Variants in SCN1A observed in about 807,000 individuals in gnomAD.
SCN1A encodes sodium channel protein type 1 subunit alpha.
SCN1A carries 13 observed loss-of-function variants against 193.7 expected under a neutral mutation model. The ratio of observed to expected loss-of-function variants is 0.07; its 90% CI spans 0.04 to 0.11. The LOEUF is 0.11. Ranked by LOEUF, SCN1A falls within the 10% of genes least tolerant of loss-of-function variation. The pLI, the probability that SCN1A is intolerant of heterozygous loss-of-function variation, is 1.00. For synonymous variants in SCN1A, 781 were observed against 843.6 expected, an observed-to-expected ratio of 0.93 and a Z score of 1.29; for missense variants, 1,432 against 2,451.1, an observed-to-expected ratio of 0.58 and a Z score of 8.78.
intron 2 of SCN1A, among the ~76,000 whole-genome samples, chr2:166,095,744 T>A (rs1159692169): frequency 6.6e-6 from 1 of 152,176 alleles, no homozygotes; most frequent in African/African-American, 2.4e-5. Flanking sequence ...TTCCTAAAGG[T>A]TTCAAGGTTA....
intron 4 of SCN1A, among the ~76,000 whole-genome samples, chr2:166,058,964 ATAT>A (rs1682992692): frequency 1.3e-5 from 2 of 152,110 alleles, no homozygotes; most frequent in African/African-American, 4.8e-5. Flanking sequence ...TATTTTCTCG[ATAT>A]TTTAAGTGTC....
chr2:166,084,937 C>G (rs541869989), intron 2 of SCN1A, among the ~76,000 whole-genome samples: 1 of 152,114 alleles, frequency 6.6e-6, no homozygotes, highest in African/African-American at 2.4e-5. Context: ...GTGGATGAAG[C>G]CCTTTGTTTG....
chr2:166,117,718 C>T (rs185351807), intron 2 of SCN1A, among the ~76,000 whole-genome samples: 4 of 152,152 alleles, frequency 2.6e-5, no homozygotes, highest in East Asian at 3.9e-4. Context: ...ATTTTTTGGC[C>T]GGGCACGGAG....
At chr2:166,019,458 TA>T (rs1559159551) in intron 19 of SCN1A, among the ~76,000 whole-genome samples, 1 of 152,184 alleles carries the variant, frequency 6.6e-6, no homozygotes, top group Non-Finnish European at 1.5e-5. Context: ...TAAACAATCT[TA>T]AACATACTTC....
intron 2 of SCN1A, among the ~76,000 whole-genome samples, chr2:166,103,183 G>A (rs1237830266): frequency 6.6e-6 from 1 of 152,180 alleles, no homozygotes; most frequent in Non-Finnish European, 1.5e-5. Flanking sequence ...GGGCGCGGTG[G>A]CTCACGCCTG....
At chr2:166,066,403 A>C (rs1253532645) in intron 4 of SCN1A, among the ~76,000 whole-genome samples, 1 of 152,130 alleles carries the variant, frequency 6.6e-6, no homozygotes, top group East Asian at 1.9e-4. Flanking sequence ...CAATTTCTCC[A>C]TCTCAATGGA....
At position 166,050,176 on chromosome 2, in the gene SCN1A, A is replaced by G. The variant is rs1292088393; in HGVS notation, c.965-1227T>C. ...TCTGGATGAATTTTTGATATCTCAT[A>G]TTTATAAATGAAGTTTTGCCCATTA... is the stretch of plus-strand genomic sequence containing the variant. On this transcript the variant is annotated intron_variant, in intron 9 of 28. Coordinates refer to ENST00000674923, the MANE Select transcript of SCN1A (RefSeq NM_001165963.4). 2.6e-4 allele frequency among the ~76,000 whole-genome samples: 39 copies of G among 152,016 alleles called. 1 individual carries two copies. Among genetic ancestry groups the G allele is most frequent in the Admixed American group, 2.6e-3 (39 of 15,222 alleles).
intron 4 of SCN1A, among the ~76,000 whole-genome samples, chr2:166,065,567 T>C (rs1042183786): frequency 1.3e-5 from 2 of 152,188 alleles, no homozygotes; most frequent in African/African-American, 4.8e-5. Flanking sequence ...GCAGGCTTTC[T>C]ACCTGACTCT....
At chr2:166,081,461 A>C (rs1359729454) in intron 2 of SCN1A, 1 of 151,900 alleles carries the variant, frequency 6.6e-6, no homozygotes, top group Non-Finnish European at 1.5e-5. Context: ...CTGTTTGGTT[A>C]ACGGGCTTTT....
In SCN1A at chr2:165,992,534, T is replaced by A; in HGVS notation, c.4853-112A>T. 1.1e-6 allele frequency: 1 copy of A among 911,054 alleles called. No homozygotes were observed. Among genetic ancestry groups the A allele is most frequent in the Non-Finnish European group, 1.7e-6 (1 of 574,742 alleles). The allele number at this position is 911,054 out of a possible 1,614,324, so 56.4% of individuals were successfully genotyped here. On this transcript the variant is annotated intron_variant, in intron 28 of 28. Transcript: ENST00000674923. The surrounding 1 kb of genome is among the most constrained non-coding windows in gnomAD (Gnocchi z 6.5). ...TTCAGAGTCCTGAACCCAGTTATATTAAATATGACAACTATATATAATATA... is the reference window on the plus strand; with the variant it reads ...TTCAGAGTCCTGAACCCAGTTATATAAAATATGACAACTATATATAATATA...
chr2:166,120,429 A>C (rs1005381730), intron 2 of SCN1A, among the ~76,000 whole-genome samples: 1 of 150,758 alleles, frequency 6.6e-6, no homozygotes, highest in Admixed American at 6.7e-5. Flanking sequence ...GGTACTTTTT[A>C]ATATACTATT....
intron 19 of SCN1A, among the ~76,000 whole-genome samples, chr2:166,034,446 A>G (rs1257842016): frequency 6.6e-6 from 1 of 152,216 alleles, no homozygotes; most frequent in African/African-American, 2.4e-5. Context: ...ATGATATCTA[A>G]TAGAATTGTA....
At chr2:166,001,582 T>C (rs1420638314) in intron 24 of SCN1A, among the ~76,000 whole-genome samples, 2 of 150,220 alleles carry the variant, frequency 1.3e-5, no homozygotes, top group East Asian at 3.9e-4. Flanking sequence ...TGTACAGTCT[T>C]TTTTTTTTAA....
At chr2:166,077,148 C>T (rs1685065005) in intron 3 of SCN1A, 1 of 151,632 alleles carries the variant, frequency 6.6e-6, no homozygotes, top group Admixed American at 6.6e-5. Context: ...GGAACCAGAA[C>T]TCAGGTGATG....
chr2:166,094,820 T>G (rs547559953), intron 2 of SCN1A, among the ~76,000 whole-genome samples: 2 of 94,586 alleles, frequency 2.1e-5, no homozygotes, highest in South Asian at 5.6e-4. Context: ...AGATGGGCAG[T>G]GTGCTCCTTT....
intron 22 of SCN1A, among the ~76,000 whole-genome samples, chr2:166,011,146 T>C (rs967159241): frequency 5.3e-5 from 8 of 151,158 alleles, no homozygotes; most frequent in African/African-American, 1.9e-4. Context: ...CACAGTAACA[T>C]TGTTAAGTTT....
At position 166,052,877 on chromosome 2, in the gene SCN1A, T is replaced by C. The variant is rs749923240; in HGVS notation, c.669A>G (p.Ala223=). The change falls in exon 8 of 29, where the codon GCA becomes GCG. Residue 223 remains alanine, a synonymous_variant. Transcript: ENST00000674923. Reference sequence around the variant, plus strand: ...CTGGAATGACTGAAATCGTCTTCAATGCTCGGAGAACTCTGAATGTTCTCA... The same window carrying C: ...CTGGAATGACTGAAATCGTCTTCAACGCTCGGAGAACTCTGAATGTTCTCA... ...SALRTFRVLR[A]LKTISVIPGL... 5.0e-6 allele frequency: 8 copies of C among 1,612,494 alleles called. No homozygotes were observed. The South Asian group carries it at 8.8e-5, about 18-fold the overall frequency.
At position 165,998,068 on chromosome 2, in the gene SCN1A, G is replaced by A. The variant is rs398123596; in HGVS notation, c.4446C>T (p.Ile1482=). The A allele has an allele frequency of 3.1e-6, 5 of 1,604,828 alleles. No individual in the cohort carries two copies. Among genetic ancestry groups the A allele is most frequent in the Non-Finnish European group, 4.3e-6 (5 of 1,173,244 alleles). The stretch of plus-strand genomic sequence containing the variant: ...TTTTCTGCTGGTTGAAATTATCTAT[G>A]ATGACACCAATAAACAGGTTCAAGG... ...FFTLNLFIGV[I]IDNFNQQKKK... Residue 1482 remains isoleucine, a synonymous_variant, in exon 26 of 29, where the codon ATC becomes ATT. Coordinates refer to ENST00000674923, the MANE Select transcript of SCN1A (RefSeq NM_001165963.4).
At chr2:166,023,259 T>C (rs752900260) in intron 19 of SCN1A, among the ~76,000 whole-genome samples, 2 of 152,258 alleles carry the variant, frequency 1.3e-5, no homozygotes, top group African/African-American at 4.8e-5. Flanking sequence ...CATTTCTGAA[T>C]TGACTATTCC....
Sources: allele counts gnomAD v4.1 joint callset (sites outside exome capture counted in the v4.1 genomes callset), GRCh38; gene constraint gnomAD v4.1.1; non-coding constraint Gnocchi (gnomAD v3.1); transcripts MANE v1.5; gene names NCBI Gene and HGNC (gene_info 2026-07-23, HGNC 2026-07-21).